Variants in COMMD6 observed in about 807,000 individuals in gnomAD.
COMMD6 encodes the protein COMM domain-containing protein 6.
In COMMD6, 11 loss-of-function variants were observed where a neutral mutation model predicts 13.4. That is an observed-to-expected ratio of 0.82 (90% CI 0.52 to 1.36). The LOEUF is 1.36. COMMD6 is among the 40% of genes most tolerant of loss of function. The pLI, the probability that COMMD6 is intolerant of heterozygous loss-of-function variation, is 0.00. For synonymous variants in COMMD6, 43 were observed against 36.5 expected, an observed-to-expected ratio of 1.18 and a Z score of -0.64; for missense variants, 124 against 102.4, an observed-to-expected ratio of 1.21 and a Z score of -0.91.
chr13:75,536,047 C>T (rs2030652248), intron 2 of COMMD6, among the ~76,000 whole-genome samples: 2 of 152,002 alleles, frequency 1.3e-5, no homozygotes, highest in Non-Finnish European at 1.5e-5. Flanking sequence ...GCCTCCACAC[C>T]TGATTAATTT....
chr13:75,547,354 G>C (rs978509931), intron 1 of COMMD6, among the ~76,000 whole-genome samples: 1 of 152,160 alleles, frequency 6.6e-6, no homozygotes, highest in African/African-American at 2.4e-5. Flanking sequence ...GAGTGACCAC[G>C]ACAACTTTGT....
intron 3 of COMMD6, among the ~76,000 whole-genome samples, chr13:75,528,136 T>G (rs552128429): frequency 1.4e-4 from 22 of 152,070 alleles, no homozygotes; most frequent in African/African-American, 5.3e-4. Flanking sequence ...ATATCTTTTA[T>G]CATATCATCA....
intron 1 of COMMD6, among the ~76,000 whole-genome samples, chr13:75,546,348 A>G (rs1186768722): frequency 6.6e-6 from 1 of 152,186 alleles, no homozygotes; most frequent in Non-Finnish European, 1.5e-5. Flanking sequence ...TACAATTCCT[A>G]AAAAAGGTGG....
chr13:75,536,764 T>C (rs2030677092), intron 2 of COMMD6, among the ~76,000 whole-genome samples: 1 of 152,208 alleles, frequency 6.6e-6, no homozygotes. Context: ...ATAATAAATT[T>C]GTGTTTAAGC....
intron 2 of COMMD6, among the ~76,000 whole-genome samples, chr13:75,533,407 A>G (rs2030556127): frequency 6.6e-6 from 1 of 152,016 alleles, no homozygotes; most frequent in Non-Finnish European, 1.5e-5. Context: ...AAAAAATACA[A>G]AAGTACAAAA....
chr13:75,540,344 C>CCACACACACACACACACACA, upstream of COMMD6, among the ~76,000 whole-genome samples: 1 of 147,382 alleles, frequency 6.8e-6, no homozygotes, highest in Middle Eastern at 3.5e-3. Context: ...ACACACACAC[C>CCACACACACACACACACACA]CACACACACA....
intron 2 of COMMD6, among the ~76,000 whole-genome samples, chr13:75,532,928 G>GTTT (rs1364203181): frequency 1.4e-5 from 2 of 146,228 alleles, no homozygotes; most frequent in African/African-American, 5.0e-5. Flanking sequence ...GAAAGTTTTT[G>GTTT]TTTTGTTTTT....
At chr13:75,539,926 T>C (rs2030797288), upstream of COMMD6, among the ~76,000 whole-genome samples, 1 of 151,854 alleles carries the variant, frequency 6.6e-6, no homozygotes, top group South Asian at 2.1e-4. Flanking sequence ...AACACTGCTG[T>C]GCATCCAGCT....
At chr13:75,541,365 TG>T (rs1391254397), upstream of COMMD6, among the ~76,000 whole-genome samples, 2 of 151,994 alleles carry the variant, frequency 1.3e-5, no homozygotes, top group Non-Finnish European at 2.9e-5. Flanking sequence ...AGTTGTGGTA[TG>T]GCCTTCTGCT....
At chr13:75,529,536 AAAAAAAAAAAAG>A (rs2030394749) in intron 3 of COMMD6, among the ~76,000 whole-genome samples, 1 of 151,552 alleles carries the variant, frequency 6.6e-6, no homozygotes, top group Admixed American at 6.6e-5. Flanking sequence ...AAAAAAAAAA[AAAAAAAAAAAAG>A]AAAACCTGAT....
At chr13:75,535,004 T>C (rs954685927) in intron 2 of COMMD6, among the ~76,000 whole-genome samples, 4 of 152,212 alleles carry the variant, frequency 2.6e-5, no homozygotes, top group African/African-American at 7.2e-5. Context: ...AAATATAATG[T>C]AATGGTAGTA....
Sources: allele counts gnomAD v4.1 joint callset (sites outside exome capture counted in the v4.1 genomes callset), GRCh38; gene constraint gnomAD v4.1.1; transcripts MANE v1.5; gene names NCBI Gene and HGNC (gene_info 2026-07-23, HGNC 2026-07-21).